The following PPP4R1 variants were observed in gnomAD, a reference collection of about 807,000 sequenced individuals.
The protein encoded by PPP4R1 is protein phosphatase 4 regulatory subunit 1.
Under a neutral mutation model 111.2 loss-of-function variants are expected in PPP4R1, and 42 were observed. The observed-to-expected ratio is 0.38, with a 90% confidence interval of 0.29 to 0.49. The LOEUF (loss-of-function observed/expected upper bound fraction) is 0.49. PPP4R1 is among the 20% of genes least tolerant of loss of function. The probability of loss-of-function intolerance (pLI) is 0.97; values close to 1 mark genes in which losing one functional copy is unlikely to be tolerated. For synonymous variants in PPP4R1, 409 were observed against 405.5 expected, an observed-to-expected ratio of 1.01 and a Z score of -0.10; for missense variants, 1,012 against 1,161.6, an observed-to-expected ratio of 0.87 and a Z score of 1.87.
intron 11 of PPP4R1, 119 bp downstream of exon 11, chr18:9,570,038 C>T: frequency 9.1e-7 from 1 of 1,100,482 alleles, no homozygotes; most frequent in Non-Finnish European, 1.2e-6. Context: ...GTATGAGTCA[C>T]TGTGCCCAGT....
intron 2 of PPP4R1, among the ~76,000 whole-genome samples, chr18:9,598,842 T>C (rs990203824): frequency 3.5e-5 from 5 of 141,540 alleles, no homozygotes; most frequent in African/African-American, 1.1e-4. Flanking sequence ...CTGGGCAATA[T>C]AGTAAAACCT....
intron 4 of PPP4R1, among the ~76,000 whole-genome samples, chr18:9,591,347 C>CA (rs34252752): frequency 0.22 from 32,202 of 148,344 alleles, 3,791 homozygotes; most frequent in Non-Finnish European, 0.26. Context: ...ACTCCATCTC[C>CA]AAAAAAAAAA....
intron 14 of PPP4R1, among the ~76,000 whole-genome samples, chr18:9,558,811 G>A (rs574085822): frequency 4.6e-5 from 7 of 152,058 alleles, no homozygotes; most frequent in African/African-American, 1.7e-4. Flanking sequence ...GGGAGGTCAG[G>A]TCATCAAGCC....
At chr18:9,561,700 A>G (rs957621247) in intron 13 of PPP4R1, among the ~76,000 whole-genome samples, 5 of 152,212 alleles carry the variant, frequency 3.3e-5, no homozygotes, top group Non-Finnish European at 5.9e-5. Context: ...AAAGAGGCAC[A>G]TGTGTATGTT....
chr18:9,550,129 G>A lies in PPP4R1; in HGVS notation c.2470C>T (p.Leu824Phe), dbSNP rs2066465564. 1.2e-6 allele frequency: 2 copies of A among 1,614,070 alleles called. No homozygotes were observed. Among genetic ancestry groups the A allele is most frequent in the Non-Finnish European group, 1.7e-6 (2 of 1,180,046 alleles). The change falls in exon 18 of 20, where the codon CTC becomes TTC. Residue 824 changes from leucine (L) to phenylalanine (F), a missense_variant. Physicochemically the swap from Leu to Phe is conservative, Grantham distance 22. Transcript: ENST00000400556. Reference sequence around the variant, plus strand: ...AAGTTCTCCACAAGCTCATTGATGAGGTCCACTCCGAACGTTGGTGGTGTT... The same window carrying A: ...AAGTTCTCCACAAGCTCATTGATGAAGTCCACTCCGAACGTTGGTGGTGTT... ...AATPPTFGVD[L>F]INELVENFGR...
chr18:9,577,329 C>T (rs1426789772), intron 9 of PPP4R1, 138 bp from the exon 10 acceptor site: 2 of 1,021,524 alleles, frequency 2.0e-6, no homozygotes, highest in Admixed American at 6.9e-5. Context: ...CTAAAGGAAG[C>T]CCAGATTCAG....
rs988745267 is a variant in PPP4R1, at chr18:9,584,710, CA to C, written c.693+10del. 6.2e-7 allele frequency: 1 copy of C among 1,612,358 alleles called. No homozygotes were observed. The highest frequency in any genetic ancestry group is 8.5e-7 in the Non-Finnish European group (1 of 1,178,994). On this transcript the variant is annotated intron_variant, in intron 7 of 19. Transcript: ENST00000400556. ...TTCTTAAACAGCAGAAAAAAAACGA[CA>C]AAAAAATACCTTTCGAACGTGAAAC...
intron 15 of PPP4R1, among the ~76,000 whole-genome samples, chr18:9,553,734 T>G (rs1441147296): frequency 1.3e-5 from 2 of 152,258 alleles, no homozygotes; most frequent in Admixed American, 1.3e-4. Context: ...ATGACATCCT[T>G]GTTGCCATGG....
intron 4 of PPP4R1, among the ~76,000 whole-genome samples, 185 bp downstream of exon 4, chr18:9,593,583 C>A (rs1324908659): frequency 1.3e-5 from 2 of 152,146 alleles, no homozygotes; most frequent in African/African-American, 4.8e-5. Context: ...AATGAGCCCA[C>A]TGTAAAATGT....
intron 11 of PPP4R1, among the ~76,000 whole-genome samples, chr18:9,564,079 A>G (rs2066721915): frequency 6.6e-6 from 1 of 152,196 alleles, no homozygotes; most frequent in Non-Finnish European, 1.5e-5. Context: ...TCTCCCAAAC[A>G]CAATAATCCC....
Position 9,577,187 on chromosome 18 carries a change from C to T in PPP4R1, c.923G>A (p.Arg308His), listed in dbSNP as rs2066949943. 1 of 1,604,834 alleles carries T rather than the reference C, an allele frequency of 6.2e-7. No homozygotes were observed. Among genetic ancestry groups the T allele is most frequent in the Non-Finnish European group, 8.5e-7 (1 of 1,176,812 alleles). ...TCCCAGAGACTGAAAAGCTGCTTGG[C>T]GAACCTAGGAAGATAAAAAGGACAA... ...NLISDPSRWV[R>H]QAAFQSLGPF... The change falls in exon 10 of 20, where the codon CGC becomes CAC. Residue 308 changes from arginine to histidine, a missense_variant. By Grantham distance (29) the Arg-to-His change is conservative. Around this residue, in one of 2 missense-constraint regions of PPP4R1, gnomAD observed 707 missense variants for 742.1 expected, o/e 0.95. Transcript: ENST00000400556.
Position 9,614,368 on chromosome 18 carries a change from C to A in PPP4R1, c.8-98G>T. Reference sequence around the variant, plus strand: ...CTCCCCCCCGCCCCGGGGGCGCCTTCCCGCGCCGGGACCCCACGCCGGCCC... The same window carrying A: ...CTCCCCCCCGCCCCGGGGGCGCCTTACCGCGCCGGGACCCCACGCCGGCCC... On this transcript the variant is annotated intron_variant, in intron 1 of 19. Coordinates refer to ENST00000400556, the MANE Select transcript of PPP4R1 (RefSeq NM_001042388.3). This position sits in a 1 kb window ranked among gnomAD's most constrained non-coding sequence, Gnocchi z 4.1. 1.3e-5 allele frequency: 13 copies of A among 1,012,270 alleles called. No homozygotes were observed. The highest frequency in any genetic ancestry group is 1.6e-5 in the Non-Finnish European group (13 of 837,314). 62.7% of individuals were successfully genotyped at this position (1,012,270 alleles called of 1,614,324 possible).
chr18:9,562,278 A>G (rs2066691408), intron 12 of PPP4R1, among the ~76,000 whole-genome samples: 1 of 152,196 alleles, frequency 6.6e-6, no homozygotes, highest in Non-Finnish European at 1.5e-5. Context: ...GTGTACGAAA[A>G]CCAATTCCAG....
At chr18:9,563,780 A>G in intron 11 of PPP4R1, 1 of 369,776 alleles carries the variant, frequency 2.7e-6, no homozygotes, top group Non-Finnish European at 4.8e-6. Context: ...GCTACTGTAC[A>G]TTATTCTGCG....
At chr18:9,579,483 T>G (rs546855524) in intron 9 of PPP4R1, among the ~76,000 whole-genome samples, 1 of 151,962 alleles carries the variant, frequency 6.6e-6, no homozygotes, top group African/African-American at 2.4e-5. Context: ...CTATCTTGTC[T>G]TTTTTTTGCA....
In PPP4R1 at chr18:9,614,047, C is replaced by G. The variant is rs2067636857; in HGVS notation, c.52+179G>C. ...TCTCCCTCCCCCAGCGGAACCTGGG[C>G]GCGCCGTTTCCTCACGGACGCGAGA... On this transcript the variant is annotated intron_variant, in intron 2 of 19. Transcript: ENST00000400556. This position sits in a 1 kb window ranked among gnomAD's most constrained non-coding sequence, Gnocchi z 4.1. The G allele has an allele frequency of 1.0e-5, 4 of 392,122 alleles. No individual in the cohort carries two copies. Among genetic ancestry groups the G allele is most frequent in the Non-Finnish European group, 1.6e-5 (4 of 245,132 alleles). 24.3% of individuals were successfully genotyped at this position (392,122 alleles called of 1,614,324 possible).
Position 9,559,517 on chromosome 18 carries a change from G to T in PPP4R1, c.1930C>A (p.His644Asn). The T allele has an allele frequency of 6.2e-7, 1 of 1,613,814 alleles. No homozygotes were observed. Among genetic ancestry groups the T allele is most frequent in the Non-Finnish European group, 8.5e-7 (1 of 1,179,776 alleles). Reference protein sequence around the residue: ...AQTVDTEIAKHCAYSLPGVAL... With the variant: ...AQTVDTEIAKNCAYSLPGVAL... ...ACACCAGGGAGGCTATATGCACAGT[G>T]CTTAGCAATTTCAGTGTCAACCGTC... The change falls in exon 14 of 20, where the codon CAC (histidine) becomes AAC (asparagine). Residue 644 changes from histidine to asparagine, a missense_variant. By Grantham distance (68) the His-to-Asn change is moderately conservative. Around this residue, in one of 2 missense-constraint regions of PPP4R1, gnomAD observed 305 missense variants for 419.5 expected, o/e 0.73. Transcript: ENST00000400556.
At chr18:9,593,676 A>G in intron 4 of PPP4R1, 92 bp downstream of exon 4, 2 of 1,097,240 alleles carry the variant, frequency 1.8e-6, no homozygotes, top group Non-Finnish European at 2.6e-6. Context: ...GCTATCTCAT[A>G]TCACATTAAC....
chr18:9,578,648 G>C (rs1242394189), intron 9 of PPP4R1, among the ~76,000 whole-genome samples: 3 of 151,426 alleles, frequency 2.0e-5, no homozygotes, highest in African/African-American at 7.3e-5. Context: ...TAAATGTAGA[G>C]ATATCTATTA....
Sources: gnomAD v4.1 joint callset for allele counts (sites outside exome capture counted in the v4.1 genomes callset) on GRCh38, gnomAD v4.1.1 for gene constraint, gnomAD v4.1.1 regional missense constraint, Gnocchi (gnomAD v3.1) non-coding constraint, MANE v1.5 for transcripts, NCBI Gene and HGNC (gene_info 2026-07-23, HGNC 2026-07-21) for gene names.